The following UGGT2 variants were observed in gnomAD, a reference collection of about 807,000 sequenced individuals.
The protein encoded by UGGT2 is UDP-glucose glycoprotein glucosyltransferase 2.
A neutral mutation model predicts 192.1 loss-of-function variants in UGGT2; 180 were observed. That is an observed-to-expected ratio of 0.94 (90% CI 0.83 to 1.06). The LOEUF is 1.06. UGGT2 is among the 50% of genes least tolerant of loss of function. The probability of loss-of-function intolerance (pLI) is 0.00; values close to 1 mark genes in which losing one functional copy is unlikely to be tolerated. For missense variants in UGGT2, 1,849 were observed against 1,795.7 expected, an observed-to-expected ratio of 1.03 and a Z score of -0.54; for synonymous variants, 580 against 591.0, an observed-to-expected ratio of 0.98 and a Z score of 0.27.
At chr13:95,824,991 AG>A (rs1885874132) in intron 38 of UGGT2, among the ~76,000 whole-genome samples, 1 of 151,976 alleles carries the variant, frequency 6.6e-6, no homozygotes, top group Non-Finnish European at 1.5e-5. Context: ...TGTTTATTAT[AG>A]CTTAATTTGG....
intron 38 of UGGT2, among the ~76,000 whole-genome samples, chr13:95,812,375 A>C (rs1884628024): frequency 6.6e-6 from 1 of 152,226 alleles, no homozygotes; most frequent in South Asian, 2.1e-4. Flanking sequence ...CTACAGTGAC[A>C]AGCAGTCTTT....
At chr13:95,828,128 T>G (rs1289781333) in intron 38 of UGGT2, among the ~76,000 whole-genome samples, 5 of 151,904 alleles carry the variant, frequency 3.3e-5, no homozygotes, top group African/African-American at 4.8e-5. Flanking sequence ...CTCTCTCTGC[T>G]GCAACCTGGA....
chr13:95,888,922 C>A (rs140164562), intron 25 of UGGT2, among the ~76,000 whole-genome samples: 3 of 151,970 alleles, frequency 2.0e-5, no homozygotes, highest in Middle Eastern at 3.4e-3. Flanking sequence ...TCAACCAATT[C>A]TCCCACCTCA....
At chr13:95,960,432 G>T (rs1211665373) in intron 12 of UGGT2, among the ~76,000 whole-genome samples, 1 of 152,080 alleles carries the variant, frequency 6.6e-6, no homozygotes, top group Non-Finnish European at 1.5e-5. Context: ...AAAAGCTTCA[G>T]CAGTGGACTA....
At chr13:95,821,870 G>GTT (rs1004936679) in intron 38 of UGGT2, among the ~76,000 whole-genome samples, 37 of 152,216 alleles carry the variant, frequency 2.4e-4, no homozygotes, top group African/African-American at 8.4e-4. Flanking sequence ...ACAGTTGGCT[G>GTT]TAAGTATTTG....
rs1053314603 is a variant in UGGT2 at position 95,957,754 on chromosome 13, T to C, written c.1336-8300A>G. Among the ~76,000 whole-genome samples the C allele has an allele frequency of 2.6e-5, 4 of 152,238 alleles. No individual in the cohort carries two copies. The East Asian group carries it at 7.7e-4, about 29-fold the overall frequency. The stretch of plus-strand genomic sequence containing the variant: ...TCTTTATAGGTCTGTTTACTATGTC[T>C]AGAAGAGCCTTGACAATTACTGCAC... On this transcript the variant is annotated intron_variant, in intron 12 of 38. Coordinates refer to ENST00000376747, the MANE Select transcript of UGGT2 (RefSeq NM_020121.4).
intron 34 of UGGT2, among the ~76,000 whole-genome samples, chr13:95,854,827 C>CA (rs1889422733): frequency 6.6e-6 from 1 of 152,082 alleles, no homozygotes; most frequent in Admixed American, 6.6e-5. Flanking sequence ...GTATGAATAA[C>CA]AAAATCATTC....
chr13:95,999,165 G>C (rs764626474), intron 6 of UGGT2, 46 bp downstream of exon 6: 2 of 1,519,080 alleles, frequency 1.3e-6, no homozygotes, highest in Admixed American at 1.7e-5. Flanking sequence ...GTATGTAAAA[G>C]CCTCCAACTT....
intron 29 of UGGT2, among the ~76,000 whole-genome samples, chr13:95,872,631 T>C (rs1437265927): frequency 6.6e-6 from 1 of 152,188 alleles, no homozygotes; most frequent in Non-Finnish European, 1.5e-5. Context: ...TGACTAAGTA[T>C]ATGGTTTTAT....
chr13:96,017,823 T>A (rs1423121873), intron 4 of UGGT2, among the ~76,000 whole-genome samples: 1 of 152,218 alleles, frequency 6.6e-6, no homozygotes, highest in African/African-American at 2.4e-5. Context: ...GGGATTTTTT[T>A]AACTTTAAAC....
At chr13:95,877,398 A>C in intron 28 of UGGT2, 34 bp from the exon 29 acceptor site, 1 of 1,537,972 alleles carries the variant, frequency 6.5e-7, no homozygotes, top group Non-Finnish European at 8.9e-7. Context: ...TCATTGAGTA[A>C]TATGACTAAA....
chr13:95,960,478 C>A (rs550249158), intron 12 of UGGT2, among the ~76,000 whole-genome samples: 1 of 152,030 alleles, frequency 6.6e-6, no homozygotes, highest in South Asian at 2.1e-4. Flanking sequence ...AATTTTAAGA[C>A]AAGACTTTTG....
chr13:95,848,272 C>T (rs2140002793), intron 36 of UGGT2, among the ~76,000 whole-genome samples: 1 of 152,116 alleles, frequency 6.6e-6, no homozygotes, highest in East Asian at 1.9e-4. Flanking sequence ...TTGTTATTGT[C>T]TTTTGCAGAG....
At chr13:95,802,849 T>C (rs992715761) in intron 38 of UGGT2, among the ~76,000 whole-genome samples, 1 of 143,660 alleles carries the variant, frequency 7.0e-6, no homozygotes, top group Non-Finnish European at 1.5e-5. Context: ...TTGTTTGTTT[T>C]TTGAGACGGA....
intron 38 of UGGT2, among the ~76,000 whole-genome samples, chr13:95,829,449 GC>G (rs1594091999): frequency 6.6e-6 from 1 of 152,172 alleles, no homozygotes; most frequent in East Asian, 1.9e-4. Context: ...ATCTCCTTAA[GC>G]TGATAAGCAA....
At chr13:95,904,446 C>A (rs1301765333) in intron 20 of UGGT2, among the ~76,000 whole-genome samples, 1 of 113,048 alleles carries the variant, frequency 8.8e-6, no homozygotes, top group East Asian at 3.3e-4. Flanking sequence ...CCTCCCCCCT[C>A]CCCCCCACCC....
Position 95,853,593 on chromosome 13 carries a change from G to C in UGGT2, c.4234C>G (p.Gln1412Glu). 1.2e-6 allele frequency: 2 copies of C among 1,610,312 alleles called. No homozygotes were observed. Among genetic ancestry groups the C allele is most frequent in the Non-Finnish European group, 8.5e-7 (1 of 1,178,778 alleles). ...RIGAGDRLRSQYQALSQDPNS... is the reference protein window; with the variant it reads ...RIGAGDRLRSEYQALSQDPNS... ...GGATCTTGACTGAGAGCTTGATACT[G>C]GCTCCTGAGCCTGTCACCTGCTCCA... The change falls in exon 36 of 39, where the codon CAG becomes GAG. Residue 1412 changes from glutamine (Q) to glutamate (E), a missense_variant. Coordinates refer to ENST00000376747, the MANE Select transcript of UGGT2 (RefSeq NM_020121.4).
At chr13:95,827,985 C>T (rs1382057653) in intron 38 of UGGT2, among the ~76,000 whole-genome samples, 1 of 152,138 alleles carries the variant, frequency 6.6e-6, no homozygotes. Context: ...ACCTTGCACT[C>T]TTCGACCAAT....
intron 17 of UGGT2, among the ~76,000 whole-genome samples, chr13:95,928,143 A>C (rs1453018098): frequency 1.3e-5 from 2 of 152,162 alleles, no homozygotes; most frequent in Admixed American, 6.5e-5. Flanking sequence ...CAAAACCGCC[A>C]TCGTCATCAT....
Sources: gnomAD v4.1 joint callset for allele counts (sites outside exome capture counted in the v4.1 genomes callset) on GRCh38, gnomAD v4.1.1 for gene constraint, MANE v1.5 for transcripts, NCBI Gene and HGNC (gene_info 2026-07-23, HGNC 2026-07-21) for gene names.